Variants in SEC23A observed in about 807,000 individuals in gnomAD.
SEC23A encodes the protein SEC23 homolog A, COPII component, also known as protein transport protein Sec23A.
A neutral mutation model predicts 103.7 loss-of-function variants in SEC23A; 56 were observed. That is an observed-to-expected ratio of 0.54 (90% CI 0.44 to 0.67). The LOEUF (loss-of-function observed/expected upper bound fraction) is 0.67. Ranked by LOEUF, SEC23A falls within the 30% of genes least tolerant of loss-of-function variation. The pLI, the probability that SEC23A is intolerant of heterozygous loss-of-function variation, is 0.00. For synonymous variants in SEC23A, 281 were observed against 293.0 expected (o/e 0.96, Z 0.42); for missense variants, 784 against 936.4 (o/e 0.84, Z 2.12).
chr14:39,081,438 G>T (rs1388817546), intron 7 of SEC23A, among the ~76,000 whole-genome samples: 4 of 152,140 alleles, frequency 2.6e-5, no homozygotes, highest in Non-Finnish European at 4.4e-5. Context: ...TTACAGCAAA[G>T]AATAACATAA....
chr14:39,035,643 A>G lies in SEC23A; in HGVS notation c.2209-2315T>C, dbSNP rs182321361. Among the ~76,000 whole-genome samples the G allele has an allele frequency of 3.1e-3, 470 of 152,248 alleles. 2 individuals carry two copies. The highest frequency in any genetic ancestry group is 5.1e-3 in the Non-Finnish European group (350 of 68,002). On this transcript the variant is annotated intron_variant, in intron 19 of 19. Transcript: ENST00000307712. ...GACCTGGGATTCAATTTATTTACCTATATTACAAAAACTCTTAACTCCTAG... is the reference window on the plus strand; with the variant it reads ...GACCTGGGATTCAATTTATTTACCTGTATTACAAAAACTCTTAACTCCTAG...
intron 17 of SEC23A, chr14:39,041,408 G>GA (rs1885631519): frequency 1.1e-4 from 1 of 8,818 alleles, no homozygotes; most frequent in Non-Finnish European, 2.1e-4. Context: ...CAAAGAAAAA[G>GA]CAAAAAAAAA....
intron 5 of SEC23A, chr14:39,091,265 T>C (rs1463234086): frequency 1.8e-5 from 10 of 569,890 alleles, no homozygotes; most frequent in Non-Finnish European, 3.1e-5. Context: ...ATTTTAAAGA[T>C]ATAGTTAAAA....
rs771010842 is a variant in SEC23A, at chr14:39,074,444, C to T, written c.1074G>A (p.Leu358=). 6.2e-7 allele frequency: 1 copy of T among 1,613,084 alleles called. No homozygotes were observed. The highest frequency in any genetic ancestry group is 1.1e-5 in the South Asian group (1 of 91,058). ...YACALDQTGL[L]EMKCCPNLTG... ...TAAGGTTGGGACAGCATTTCATCTC[C>T]AGGAGACCTGTCTGATCTAATGCAC... is the stretch of plus-strand genomic sequence containing the variant. The change falls in exon 9 of 20, where the codon CTG becomes CTA. Residue 358 remains leucine (L), a synonymous_variant. Transcript: ENST00000307712.
intron 11 of SEC23A, 155 bp downstream of exon 11, chr14:39,064,758 A>G: frequency 3.0e-6 from 2 of 677,680 alleles, no homozygotes; most frequent in South Asian, 3.2e-5. Context: ...GGGGGATAAC[A>G]GGAGGGGAAC....
intron 14 of SEC23A, among the ~76,000 whole-genome samples, chr14:39,053,035 G>A (rs920135221): frequency 1.3e-5 from 2 of 152,066 alleles, no homozygotes; most frequent in African/African-American, 4.8e-5. Flanking sequence ...CTCCAGAGGC[G>A]GAGGCAGGAG....
rs149960345 is a variant in SEC23A, at chr14:39,055,943, G to T, written c.1506-647C>A. Among the ~76,000 whole-genome samples, 11 of 152,338 alleles carry T rather than the reference G, an allele frequency of 7.2e-5. No individual in the cohort carries two copies. In the East Asian group the frequency reaches 1.9e-3, roughly 27 times the overall value. On this transcript the variant is annotated intron_variant, in intron 13 of 19. Transcript: ENST00000307712. ...AGACATGCCTGAGCGGGACTGGATT[G>T]CAACCATCTAGGCGCTATAGCGAAG... is the stretch of plus-strand genomic sequence containing the variant.
chr14:39,074,490 T>A lies in SEC23A; in HGVS notation c.1028A>T (p.His343Leu). 3 of 1,613,576 alleles carry A rather than the reference T, an allele frequency of 1.9e-6. No individual in the cohort carries two copies. Among genetic ancestry groups the A allele is most frequent in the Non-Finnish European group, 2.5e-6 (3 of 1,179,778 alleles). ...ALANRAATTGHVIDIYACALD... is the reference protein window; with the variant it reads ...ALANRAATTGLVIDIYACALD... ...TGCACACGCATAGATATCAATAACA[T>A]GGCCAGTTGTAGCAGCTCGATTAGC... The change falls in exon 9 of 20, where the codon CAT becomes CTT. Residue 343 changes from histidine to leucine, a missense_variant. By Grantham distance (99) the His-to-Leu change is moderately conservative. Coordinates refer to ENST00000307712, the MANE Select transcript of SEC23A (RefSeq NM_006364.4).
At chr14:39,041,641 G>A (rs1044505566) in intron 17 of SEC23A, among the ~76,000 whole-genome samples, 4 of 151,782 alleles carry the variant, frequency 2.6e-5, no homozygotes, top group South Asian at 2.1e-4. Context: ...AAGCCAACAC[G>A]GGCGGATCAC....
At position 39,094,430 on chromosome 14, in the gene SEC23A, ATATATATATATATTTTTTT is replaced by A. The variant is rs1399848864; in HGVS notation, c.222-1205_222-1187del. Among the ~76,000 whole-genome samples, 81 of 39,222 alleles carry A rather than the reference ATATATATATATATTTTTTT, an allele frequency of 2.1e-3. 12 individuals are homozygous for A. Among genetic ancestry groups the A allele is most frequent in the African/African-American group, 0.012 (62 of 5,054 alleles). 25.7% of individuals were successfully genotyped at this position (39,222 alleles called of 152,430 possible). On this transcript the variant is annotated intron_variant, in intron 2 of 19. Coordinates refer to ENST00000307712, the MANE Select transcript of SEC23A (RefSeq NM_006364.4). ...TATATATATATATATATATATATAT[ATATATATATATATTTTTTT>A]TTTTTTTTTTTCCCCTCCTGTAGAA...
At chr14:39,100,011 T>C (rs1888028507) in intron 1 of SEC23A, among the ~76,000 whole-genome samples, 1 of 152,176 alleles carries the variant, frequency 6.6e-6, no homozygotes, top group Non-Finnish European at 1.5e-5. Context: ...ATAGCCAGGT[T>C]TAACTTTCTA....
intron 11 of SEC23A, chr14:39,064,665 T>G: frequency 4.1e-6 from 2 of 482,230 alleles, no homozygotes; most frequent in South Asian, 4.4e-5. Context: ...ATATAAGAAT[T>G]TTGAAAGGAA....
intron 5 of SEC23A, chr14:39,088,004 C>T (rs1887503186): frequency 6.6e-6 from 1 of 152,078 alleles, no homozygotes; most frequent in African/African-American, 2.4e-5. Flanking sequence ...TTCTATAAAG[C>T]TCTATAAGGG....
chr14:39,058,031 A>C (rs1375013867), intron 13 of SEC23A, among the ~76,000 whole-genome samples: 1 of 152,248 alleles, frequency 6.6e-6, no homozygotes, highest in African/African-American at 2.4e-5. Flanking sequence ...AAATAGCAGC[A>C]ATTTATTAAA....
At chr14:39,094,449 T>A (rs1456807844) in intron 2 of SEC23A, among the ~76,000 whole-genome samples, 16 of 61,810 alleles carry the variant, frequency 2.6e-4, no homozygotes, top group South Asian at 4.7e-4. Context: ...TATATTTTTT[T>A]TTTTTTTTTT....
intron 7 of SEC23A, among the ~76,000 whole-genome samples, chr14:39,076,598 G>A (rs1272625517): frequency 6.6e-6 from 1 of 151,166 alleles, no homozygotes; most frequent in Non-Finnish European, 1.5e-5. Context: ...TTTTACTTTT[G>A]TTTTTGATGT....
Position 39,061,860 on chromosome 14 carries a change from T to C in SEC23A, c.1410A>G (p.Pro470=), listed in dbSNP as rs150890094. 3.7e-5 allele frequency: 59 copies of C among 1,611,884 alleles called. No homozygotes were observed. The highest frequency in any genetic ancestry group is 8.0e-5 in the African/African-American group (6 of 74,894). The change falls in exon 13 of 20, where the codon CCA becomes CCG. Residue 470 remains proline (P), a synonymous_variant. Transcript: ENST00000307712. ...TTGCACCACGCCCTCCTTGAGGAAT[T>C]GGAGCATTATGCTGTATAAATATAA... ...YFEVVNQHNA[P]IPQGGRGAIQ... is the part of the protein sequence containing the mutation.
intron 9 of SEC23A, among the ~76,000 whole-genome samples, chr14:39,072,588 G>A (rs1274521274): frequency 6.6e-6 from 1 of 151,894 alleles, no homozygotes; most frequent in African/African-American, 2.4e-5. Context: ...AGAGGCAGGA[G>A]GATCGAGCCC....
At chr14:39,070,076 A>C (rs1430982237) in intron 9 of SEC23A, among the ~76,000 whole-genome samples, 1 of 152,236 alleles carries the variant, frequency 6.6e-6, no homozygotes, top group Non-Finnish European at 1.5e-5. Flanking sequence ...CCTCAGTCAT[A>C]CTTGCCACAT....
Sources: gnomAD v4.1 joint callset for allele counts (sites outside exome capture counted in the v4.1 genomes callset) on GRCh38, gnomAD v4.1.1 for gene constraint, MANE v1.5 for transcripts, NCBI Gene and HGNC (gene_info 2026-07-23, HGNC 2026-07-21) for gene names.